PCP4L1: variants seen among roughly 807,000 people sequenced by gnomAD.
PCP4L1 encodes the protein Purkinje cell protein 4-like protein 1.
PCP4L1 carries 9 observed loss-of-function variants against 9.6 expected under a neutral mutation model. The observed-to-expected ratio is 0.94, with a 90% CI of 0.57 to 1.64. The LOEUF (loss-of-function observed/expected upper bound fraction) is 1.64, where lower values mean the gene tolerates loss of function less well. Ranked by LOEUF, PCP4L1 falls within the 40% of genes most tolerant of loss-of-function variation. PCP4L1 has a pLI of 0.00. For missense variants in PCP4L1, 81 were observed against 80.8 expected, an observed-to-expected ratio of 1.00 and a Z score of -0.01; for synonymous variants, 31 against 28.2, an observed-to-expected ratio of 1.10 and a Z score of -0.31.
At chr1:161,272,977 A>G (rs1669646793) in intron 1 of PCP4L1, among the ~76,000 whole-genome samples, 2 of 152,144 alleles carry the variant, frequency 1.3e-5, no homozygotes, top group Admixed American at 6.6e-5. Flanking sequence ...GAAAGGAGGA[A>G]TGTTACTATG....
chr1:161,283,817 G>A, intron 2 of PCP4L1, 95 bp downstream of exon 2: 1 of 1,276,720 alleles, frequency 7.8e-7, no homozygotes, highest in Non-Finnish European at 1.1e-6. Context: ...AGTCAGACAT[G>A]AAAGGAATAA....
rs1669876919 is a variant in PCP4L1, at chr1:161,284,553, T to G, written c.*72T>G. The G allele has an allele frequency of 3.9e-6, 6 of 1,554,448 alleles. No individual in the cohort carries two copies. The highest frequency in any genetic ancestry group is 5.2e-6 in the Non-Finnish European group (6 of 1,147,522). On this transcript the variant is annotated 3_prime_UTR_variant, in exon 3 of 3. Coordinates refer to ENST00000504449, the MANE Select transcript of PCP4L1 (RefSeq NM_001102566.2). Reference sequence around the variant, plus strand: ...CTCCCCTTCTCCACACCCATGTATCTTTATCCCTTGTCCCTCTAGCCTTTC... The same window carrying G: ...CTCCCCTTCTCCACACCCATGTATCGTTATCCCTTGTCCCTCTAGCCTTTC...
At chr1:161,264,715 G>A (rs1335340568) in intron 1 of PCP4L1, among the ~76,000 whole-genome samples, 1 of 152,102 alleles carries the variant, frequency 6.6e-6, no homozygotes, top group African/African-American at 2.4e-5. Context: ...TGTGATCCCA[G>A]TTACGTGGGA....
intron 1 of PCP4L1, among the ~76,000 whole-genome samples, chr1:161,279,906 G>A (rs1669765905): frequency 6.6e-6 from 1 of 152,068 alleles, no homozygotes; most frequent in African/African-American, 2.4e-5. Context: ...TGGGCTCAAG[G>A]GATCCTCCCA....
In PCP4L1 at chr1:161,281,257, A is replaced by G. The variant is rs960237429; in HGVS notation, c.10-2411A>G. 6.6e-5 allele frequency among the ~76,000 whole-genome samples: 10 copies of G among 152,206 alleles called. No individual in the cohort carries two copies. In the Middle Eastern group the frequency reaches 0.01, roughly 155 times the overall value. ...TGTCTACTTCTTTCTACACAGACAC[A>G]GCAACCATCCGATTTCTCAATCTTT... On this transcript the variant is annotated intron_variant, in intron 1 of 2. Transcript: ENST00000504449.
chr1:161,260,953 A>G (rs1294603813), intron 1 of PCP4L1, among the ~76,000 whole-genome samples: 2 of 152,156 alleles, frequency 1.3e-5, no homozygotes, highest in Non-Finnish European at 2.9e-5. Flanking sequence ...CTGTCTCTGA[A>G]TCAGGTCACA....
chr1:161,276,753 A>T (rs1490524915), intron 1 of PCP4L1, among the ~76,000 whole-genome samples: 11 of 136,918 alleles, frequency 8.0e-5, no homozygotes, highest in Non-Finnish European at 1.7e-4. Context: ...ATGTGTATAT[A>T]TGTATGTATA....
chr1:161,260,303 G>A (rs939383658), intron 1 of PCP4L1, among the ~76,000 whole-genome samples: 7 of 152,174 alleles, frequency 4.6e-5, no homozygotes, highest in Non-Finnish European at 1.0e-4. Context: ...GGCTAGTCTG[G>A]GGGCTGCAGA....
intron 1 of PCP4L1, among the ~76,000 whole-genome samples, chr1:161,263,624 C>T (rs1053509054): frequency 2.0e-5 from 3 of 151,426 alleles, no homozygotes; most frequent in African/African-American, 7.3e-5. Flanking sequence ...CTCTGTCACC[C>T]AGGCTGGAGT....
At chr1:161,272,992 G>A (rs968682109) in intron 1 of PCP4L1, among the ~76,000 whole-genome samples, 1 of 152,142 alleles carries the variant, frequency 6.6e-6, no homozygotes. Context: ...ACTATGTCAT[G>A]TTCCTCTCTG....
At chr1:161,260,084 C>T (rs983845653) in intron 1 of PCP4L1, among the ~76,000 whole-genome samples, 1 of 152,180 alleles carries the variant, frequency 6.6e-6, no homozygotes, top group African/African-American at 2.4e-5. Flanking sequence ...CTTCCTCTCC[C>T]ATTAGAGTAT....
chr1:161,272,573 A>AT (rs201451802), intron 1 of PCP4L1, among the ~76,000 whole-genome samples: 4,077 of 151,684 alleles, frequency 0.027, 193 homozygotes, highest in African/African-American at 0.094. Context: ...AAAAAAAAAA[A>AT]AAAAATTGGT....
chr1:161,259,930 A>G (rs191387713), intron 1 of PCP4L1, among the ~76,000 whole-genome samples: 1 of 152,392 alleles, frequency 6.6e-6, no homozygotes, highest in East Asian at 1.9e-4. Flanking sequence ...TAGGCAAAGT[A>G]CAAAACCTTT....
chr1:161,279,682 TTAAATA>T (rs1351217175), intron 1 of PCP4L1, among the ~76,000 whole-genome samples: 2 of 152,212 alleles, frequency 1.3e-5, no homozygotes, highest in African/African-American at 4.8e-5. Flanking sequence ...TTGTATTTTG[TTAAATA>T]TAAAGTACTT....
At chr1:161,283,552 C>CT in intron 1 of PCP4L1, 116 bp from the exon 2 acceptor site, 1 of 912,444 alleles carries the variant, frequency 1.1e-6, no homozygotes, top group East Asian at 2.8e-5. Flanking sequence ...CTTCAAAAGA[C>CT]TAAGGGAATG....
chr1:161,260,962 C>A (rs778980616), intron 1 of PCP4L1, among the ~76,000 whole-genome samples: 17 of 152,192 alleles, frequency 1.1e-4, no homozygotes, highest in Non-Finnish European at 2.2e-4. Context: ...AATCAGGTCA[C>A]AAAGGGGTCT....
chr1:161,277,010 T>TA (rs1408890490), intron 1 of PCP4L1, among the ~76,000 whole-genome samples: 1 of 152,146 alleles, frequency 6.6e-6, no homozygotes, highest in Non-Finnish European at 1.5e-5. Context: ...CTCAGCTATT[T>TA]AGGAGGCTGA....
chr1:161,260,582 T>C (rs1325964312), intron 1 of PCP4L1, among the ~76,000 whole-genome samples: 3 of 152,142 alleles, frequency 2.0e-5, no homozygotes, highest in Admixed American at 1.3e-4. Context: ...TTAGCCTGTG[T>C]TTTCTGGGGT....
intron 1 of PCP4L1, 99 bp from the exon 2 acceptor site, chr1:161,283,569 G>C: frequency 9.2e-7 from 1 of 1,092,232 alleles, no homozygotes; most frequent in Non-Finnish European, 1.3e-6. Context: ...AATGCACCTG[G>C]TAATAGGGTT....
Sources: allele counts gnomAD v4.1 joint callset (sites outside exome capture counted in the v4.1 genomes callset), GRCh38; gene constraint gnomAD v4.1.1; transcripts MANE v1.5; gene names NCBI Gene and HGNC (gene_info 2026-07-23, HGNC 2026-07-21).